NEGR1: variants seen among roughly 807,000 people sequenced by gnomAD.
The protein encoded by NEGR1 is IgLON family member 4.
NEGR1 carries 10 observed loss-of-function variants against 40.9 expected under a neutral mutation model. That is an observed-to-expected ratio of 0.24 (90% CI 0.15 to 0.42). The LOEUF is 0.42. NEGR1 is among the 10% of genes least tolerant of loss of function. NEGR1 has a pLI of 1.00. For missense variants in NEGR1, 352 were observed against 438.9 expected, an observed-to-expected ratio of 0.80 and a Z score of 1.77; for synonymous variants, 185 against 166.8, an observed-to-expected ratio of 1.11 and a Z score of -0.84.
chr1:71,596,890 G>T (rs1649729977), intron 5 of NEGR1, among the ~76,000 whole-genome samples: 1 of 152,132 alleles, frequency 6.6e-6, no homozygotes, highest in Admixed American at 6.5e-5. Flanking sequence ...AGTGAGGGAG[G>T]CATTCTCAAA....
Position 72,078,641 on chromosome 1 carries a change from A to ATT in NEGR1, c.177-143332_177-143331dup, listed in dbSNP as rs1276718973. Among the ~76,000 whole-genome samples, 628 of 144,020 alleles carry ATT rather than the reference A, an allele frequency of 4.4e-3. 4 individuals are homozygous for ATT. Among genetic ancestry groups the ATT allele is most frequent in the African/African-American group, 0.015 (611 of 39,422 alleles). 94.5% of individuals were successfully genotyped at this position (144,020 alleles called of 152,430 possible). ...CACTCATATATATATATATATATTTATTTATTTTTTTTTTTGAGATGGAGT... is the reference window on the plus strand; with the variant it reads ...CACTCATATATATATATATATATTTATTTTTATTTTTTTTTTTGAGATGGAGT... On this transcript the variant is annotated intron_variant, in intron 1 of 6. Transcript: ENST00000357731.
At chr1:72,024,333 T>A (rs1204631136) in intron 1 of NEGR1, among the ~76,000 whole-genome samples, 1 of 152,062 alleles carries the variant, frequency 6.6e-6, no homozygotes, top group Non-Finnish European at 1.5e-5. Context: ...GAGCAAGAGA[T>A]GTTTTGAGCA....
intron 3 of NEGR1, among the ~76,000 whole-genome samples, chr1:71,751,339 G>A (rs924828600): frequency 6.6e-6 from 1 of 152,128 alleles, no homozygotes; most frequent in Non-Finnish European, 1.5e-5. Flanking sequence ...TTAGATTTCA[G>A]TATAATTTGA....
At chr1:72,221,592 T>C (rs1654012301) in intron 1 of NEGR1, among the ~76,000 whole-genome samples, 1 of 152,084 alleles carries the variant, frequency 6.6e-6, no homozygotes, top group South Asian at 2.1e-4. Flanking sequence ...AAGTGATAAT[T>C]TAATAAAATG....
intron 4 of NEGR1, among the ~76,000 whole-genome samples, chr1:71,695,724 C>T (rs1043968030): frequency 6.6e-6 from 1 of 151,800 alleles, no homozygotes; most frequent in African/African-American, 2.4e-5. Flanking sequence ...TTTCTGCACA[C>T]TTTGTAAGCA....
At chr1:71,493,345 C>T (rs542032605) in intron 6 of NEGR1, among the ~76,000 whole-genome samples, 1 of 152,194 alleles carries the variant, frequency 6.6e-6, no homozygotes, top group East Asian at 1.9e-4. Context: ...TATCCAAATA[C>T]TTATTGATGG....
intron 1 of NEGR1, among the ~76,000 whole-genome samples, chr1:72,077,175 T>C (rs1023398391): frequency 1.3e-5 from 2 of 152,056 alleles, no homozygotes; most frequent in Non-Finnish European, 2.9e-5. Context: ...ATTACAGACA[T>C]GAGCCACCGT....
chr1:71,988,400 G>C (rs1008025570), intron 1 of NEGR1, among the ~76,000 whole-genome samples: 1 of 151,644 alleles, frequency 6.6e-6, no homozygotes, highest in Non-Finnish European at 1.5e-5. Flanking sequence ...TTAGCCGGGC[G>C]CGGTGGCGGG....
intron 6 of NEGR1, among the ~76,000 whole-genome samples, chr1:71,545,596 TC>T (rs1647868413): frequency 6.6e-6 from 1 of 151,722 alleles, no homozygotes; most frequent in South Asian, 2.1e-4. Context: ...TTAACTCTTT[TC>T]CTTTTTTTTA....
intron 1 of NEGR1, among the ~76,000 whole-genome samples, chr1:71,977,531 A>G (rs1466617464): frequency 6.6e-6 from 1 of 152,136 alleles, no homozygotes; most frequent in East Asian, 1.9e-4. Context: ...TTAGATGACC[A>G]CTTTAAAGAT....
intron 2 of NEGR1, among the ~76,000 whole-genome samples, chr1:71,849,029 C>A (rs1659514814): frequency 6.6e-6 from 1 of 150,904 alleles, no homozygotes; most frequent in Non-Finnish European, 1.5e-5. Flanking sequence ...GTGGAGGTTT[C>A]AGTGAGCCGA....
intron 1 of NEGR1, among the ~76,000 whole-genome samples, chr1:72,095,825 C>T (rs6694418): frequency 0.037 from 5,579 of 152,112 alleles, 341 homozygotes; most frequent in African/African-American, 0.13. Context: ...GGAATACCTA[C>T]GAGGGTGAAT....
chr1:71,693,063 G>A (rs1403274656), intron 4 of NEGR1, among the ~76,000 whole-genome samples: 1 of 151,482 alleles, frequency 6.6e-6, no homozygotes, highest in Non-Finnish European at 1.5e-5. Context: ...ACTCACATCT[G>A]TTTTGTTCTT....
chr1:71,991,724 C>CAACCT (rs1304984138), intron 1 of NEGR1, among the ~76,000 whole-genome samples: 1 of 152,174 alleles, frequency 6.6e-6, no homozygotes, highest in Non-Finnish European at 1.5e-5. Flanking sequence ...TTTACAGCCC[C>CAACCT]AACCTAACCT....
intron 1 of NEGR1, among the ~76,000 whole-genome samples, chr1:72,220,298 C>A (rs1653969496): frequency 6.6e-6 from 1 of 151,754 alleles, no homozygotes; most frequent in South Asian, 2.1e-4. Flanking sequence ...GTGTAAAACA[C>A]AGGGATATCT....
At chr1:71,908,629 T>C (rs1010809054) in intron 2 of NEGR1, among the ~76,000 whole-genome samples, 4 of 152,222 alleles carry the variant, frequency 2.6e-5, no homozygotes, top group African/African-American at 7.2e-5. Context: ...ATTCTTTCTG[T>C]TACTTGCTCT....
chr1:71,669,216 G>A (rs1295706995), intron 4 of NEGR1, among the ~76,000 whole-genome samples: 3 of 151,958 alleles, frequency 2.0e-5, no homozygotes, highest in African/African-American at 4.8e-5. Context: ...ATTGGTTCAT[G>A]TTTCATGATC....
chr1:71,989,829 C>A (rs1646434050), intron 1 of NEGR1, among the ~76,000 whole-genome samples: 1 of 152,108 alleles, frequency 6.6e-6, no homozygotes, highest in African/African-American at 2.4e-5. Context: ...CTCTCTCAGT[C>A]AAAACTCCTT....
chr1:71,827,709 T>C (rs1247136635), intron 2 of NEGR1, among the ~76,000 whole-genome samples: 1 of 151,930 alleles, frequency 6.6e-6, no homozygotes, highest in Non-Finnish European at 1.5e-5. Context: ...CAACACAGAA[T>C]TTTTGCTTTT....
Sources: gnomAD v4.1 joint callset for allele counts (sites outside exome capture counted in the v4.1 genomes callset) on GRCh38, gnomAD v4.1.1 for gene constraint, MANE v1.5 for transcripts, NCBI Gene and HGNC (gene_info 2026-07-23, HGNC 2026-07-21) for gene names.